The following AGBL1 variants were observed in gnomAD, a reference collection of about 807,000 sequenced individuals.
AGBL1 encodes cytosolic carboxypeptidase 4.
In AGBL1, 130 loss-of-function variants were observed where a neutral mutation model predicts 118.9. The ratio of observed to expected loss-of-function variants is 1.09; its 90% CI spans 0.95 to 1.26. AGBL1 has a LOEUF of 1.26. AGBL1 is among the 50% of genes most tolerant of loss of function. The probability of loss-of-function intolerance (pLI) is 0.00; values close to 1 mark genes in which losing one functional copy is unlikely to be tolerated. For missense variants in AGBL1, 1,584 were observed against 1,298.1 expected, an observed-to-expected ratio of 1.22 and a Z score of -3.38; for synonymous variants, 555 against 478.9, an observed-to-expected ratio of 1.16 and a Z score of -2.08.
chr15:86,897,488 C>G (rs1298021190), intron 22 of AGBL1, among the ~76,000 whole-genome samples: 1 of 151,982 alleles, frequency 6.6e-6, no homozygotes, highest in Non-Finnish European at 1.5e-5. Flanking sequence ...ATTATCTTCT[C>G]TCCTATTAAC....
chr15:86,536,333 A>G (rs1350011429), intron 19 of AGBL1, among the ~76,000 whole-genome samples: 1 of 151,944 alleles, frequency 6.6e-6, no homozygotes, highest in Non-Finnish European at 1.5e-5. Flanking sequence ...TTTTTTTGAG[A>G]TGGGGTCTCG....
At chr15:86,376,871 C>G (rs1235044061) in intron 17 of AGBL1, among the ~76,000 whole-genome samples, 1 of 152,248 alleles carries the variant, frequency 6.6e-6, no homozygotes. Context: ...CCAGACTTAT[C>G]TTTGGGTAAA....
chr15:86,491,624 G>C (rs879307330), intron 18 of AGBL1, among the ~76,000 whole-genome samples: 1 of 152,084 alleles, frequency 6.6e-6, no homozygotes, highest in Non-Finnish European at 1.5e-5. Context: ...GAAAGAAAGG[G>C]TATGGTTTTT....
intron 6 of AGBL1, among the ~76,000 whole-genome samples, chr15:86,228,522 G>A (rs930995931): frequency 2.0e-5 from 3 of 152,176 alleles, no homozygotes; most frequent in Admixed American, 6.5e-5. Context: ...CAGTGGTCCT[G>A]TGACAGTAAA....
chr15:86,118,288 A>G (rs1471718348), intron 1 of AGBL1, among the ~76,000 whole-genome samples: 1 of 152,188 alleles, frequency 6.6e-6, no homozygotes, highest in Non-Finnish European at 1.5e-5. Context: ...GAGGAGAATG[A>G]GAATAAAATT....
intron 8 of AGBL1, among the ~76,000 whole-genome samples, chr15:86,257,435 A>G (rs1423784603): frequency 6.6e-6 from 1 of 152,230 alleles, no homozygotes; most frequent in African/African-American, 2.4e-5. Context: ...AATATTTGAA[A>G]GTATTATTAT....
chr15:86,660,637 A>G (rs1349966046), intron 21 of AGBL1, among the ~76,000 whole-genome samples: 1 of 152,152 alleles, frequency 6.6e-6, no homozygotes, highest in Non-Finnish European at 1.5e-5. Context: ...TTATAGACTC[A>G]GTATGAGTTT....
intron 21 of AGBL1, among the ~76,000 whole-genome samples, chr15:86,562,387 T>A (rs1351686888): frequency 6.6e-6 from 1 of 152,234 alleles, no homozygotes. Flanking sequence ...CTTTTCTGCA[T>A]CTATTGAGAT....
intron 22 of AGBL1, among the ~76,000 whole-genome samples, chr15:86,846,329 T>C (rs2079317663): frequency 6.6e-6 from 1 of 152,224 alleles, no homozygotes. Context: ...GAGCATGTCA[T>C]TTCACTGTTT....
chr15:86,231,117 C>A (rs1361008939), intron 6 of AGBL1, among the ~76,000 whole-genome samples: 2 of 152,174 alleles, frequency 1.3e-5, no homozygotes, highest in African/African-American at 4.8e-5. Flanking sequence ...AGAGAACTAA[C>A]CATACTGTAA....
intron 17 of AGBL1, among the ~76,000 whole-genome samples, chr15:86,351,669 A>G (rs1281154822): frequency 6.6e-6 from 1 of 152,100 alleles, no homozygotes; most frequent in Admixed American, 6.5e-5. Flanking sequence ...TCAGGGTAAT[A>G]CTTGTACCCT....
chr15:87,014,902 A>G (rs187313345), intron 24 of AGBL1, among the ~76,000 whole-genome samples: 92 of 152,186 alleles, frequency 6.0e-4, no homozygotes, highest in African/African-American at 2.2e-3. Context: ...GGCTGCCTAG[A>G]TGGCTGGTGA....
intron 1 of AGBL1, among the ~76,000 whole-genome samples, chr15:86,098,831 T>G (rs1896540621): frequency 6.6e-6 from 1 of 152,190 alleles, no homozygotes; most frequent in South Asian, 2.1e-4. Context: ...TTTTAGATTT[T>G]TTTTAATTCT....
chr15:86,771,079 T>A (rs1362085168), intron 22 of AGBL1, among the ~76,000 whole-genome samples: 2 of 151,982 alleles, frequency 1.3e-5, no homozygotes, highest in Admixed American at 1.3e-4. Flanking sequence ...TCTAAGGCCC[T>A]GAGGAGGGAG....
At chr15:86,819,181 A>T (rs1417249781) in intron 22 of AGBL1, among the ~76,000 whole-genome samples, 4 of 152,078 alleles carry the variant, frequency 2.6e-5, no homozygotes, top group African/African-American at 9.7e-5. Context: ...TGTTTGTATG[A>T]AAAGGGCACC....
intron 14 of AGBL1, among the ~76,000 whole-genome samples, 179 bp downstream of exon 14, chr15:86,270,246 G>A (rs1243914801): frequency 6.6e-6 from 1 of 152,110 alleles, no homozygotes. Flanking sequence ...ACTTTAGAGG[G>A]GAGGCTGGGC....
chr15:86,317,126 C>T (rs1403758921), intron 17 of AGBL1: 2 of 152,298 alleles, frequency 1.3e-5, no homozygotes, highest in South Asian at 2.1e-4. Context: ...TTCTTCCTCT[C>T]CATCCTTTCT....
At chr15:86,312,048 G>A (rs908340589) in intron 17 of AGBL1, 1 of 152,218 alleles carries the variant, frequency 6.6e-6, no homozygotes, top group African/African-American at 2.4e-5. Flanking sequence ...TCATGACCTA[G>A]TGGGAGTCTT....
At chr15:86,476,810 A>G (rs1252418079) in intron 18 of AGBL1, among the ~76,000 whole-genome samples, 1 of 152,228 alleles carries the variant, frequency 6.6e-6, no homozygotes, top group African/African-American at 2.4e-5. Flanking sequence ...ACTTATTCCA[A>G]AATTGACCAC....
Sources: gnomAD v4.1 joint callset for allele counts (sites outside exome capture counted in the v4.1 genomes callset) on GRCh38, gnomAD v4.1.1 for gene constraint, MANE v1.5 for transcripts, NCBI Gene and HGNC (gene_info 2026-07-23, HGNC 2026-07-21) for gene names.